DERA: variants seen among roughly 807,000 people sequenced by gnomAD.
The protein encoded by DERA is deoxyribose-phosphate aldolase, also known as 2-deoxy-D-ribose 5-phosphate aldolase.
In DERA, 15 loss-of-function variants were observed where a neutral mutation model predicts 41.1. That is an observed-to-expected ratio of 0.37 (90% CI 0.24 to 0.56). The LOEUF (loss-of-function observed/expected upper bound fraction) is 0.56, where lower values mean the gene tolerates loss of function less well. DERA is among the 20% of genes least tolerant of loss of function. The pLI is 0.81. For missense variants in DERA, 396 were observed against 403.4 expected (o/e 0.98, Z 0.16); for synonymous variants, 139 against 137.4 (o/e 1.01, Z -0.08).
Position 15,962,891 on chromosome 12 carries a change from C to A in DERA, c.452C>A (p.Ala151Asp). 1.9e-6 allele frequency: 3 copies of A among 1,593,794 alleles called. No homozygotes were observed. The highest frequency in any genetic ancestry group is 2.3e-5 in the East Asian group (1 of 44,406). ...EEIRLAVEDGATEIDVVINRS... is the reference protein window; with the variant it reads ...EEIRLAVEDGDTEIDVVINRS... The stretch of plus-strand genomic sequence containing the variant: ...ATCAGATTGGCTGTGGAAGATGGAG[C>A]TACAGAAATCGACGTGGTAATTAAC... The change falls in exon 5 of 9, where the codon GCT becomes GAT. Residue 151 changes from alanine (A) to aspartate (D), a missense_variant. Coordinates refer to ENST00000428559, the MANE Select transcript of DERA (RefSeq NM_015954.4).
intron 1 of DERA, among the ~76,000 whole-genome samples, chr12:15,937,458 T>G (rs928259251): frequency 1.3e-5 from 2 of 152,208 alleles, no homozygotes; most frequent in Non-Finnish European, 2.9e-5. Flanking sequence ...CCGCCAGTAG[T>G]ATAGTTCCAG....
At position 15,989,149 on chromosome 12, in the gene DERA, A is replaced by G. The variant is rs1463732848; in HGVS notation, c.637+6713A>G. Among the ~76,000 whole-genome samples, 2 of 152,206 alleles carry G rather than the reference A, an allele frequency of 1.3e-5. No individual in the cohort carries two copies. The highest frequency in any genetic ancestry group is 4.8e-5 in the African/African-American group (2 of 41,468). Reference sequence around the variant, plus strand: ...GTTGGATGCAGCTGCCCCTGGGAGCACAGGGCTCCTGCCCTACCAACATGG... The same window carrying G: ...GTTGGATGCAGCTGCCCCTGGGAGCGCAGGGCTCCTGCCCTACCAACATGG... On this transcript the variant is annotated intron_variant, in intron 6 of 8. Coordinates refer to ENST00000428559, the MANE Select transcript of DERA (RefSeq NM_015954.4). The surrounding 1 kb of genome is among the most constrained non-coding windows in gnomAD (Gnocchi z 5.2).
chr12:15,914,966 C>T (rs1030000846), intron 1 of DERA, among the ~76,000 whole-genome samples: 8 of 152,010 alleles, frequency 5.3e-5, no homozygotes, highest in East Asian at 1.9e-4. Flanking sequence ...TTAGTAGAGA[C>T]GGGTTTTTGC....
intron 6 of DERA, among the ~76,000 whole-genome samples, chr12:16,002,202 C>T (rs1948880507): frequency 6.9e-6 from 1 of 145,168 alleles, no homozygotes; most frequent in African/African-American, 2.5e-5. Context: ...TCTCATTGTT[C>T]AATTCCCACC....
Position 15,946,604 on chromosome 12 carries a change from A to G in DERA, c.32-10332A>G, listed in dbSNP as rs564410990. ...CTTTTTTTTTTATTGCATCTATTTG[A>G]TTCTTCTCTGTTTTCTTCTTTATTA... On this transcript the variant is annotated intron_variant, in intron 1 of 8. Coordinates refer to ENST00000428559, the MANE Select transcript of DERA (RefSeq NM_015954.4). Among the ~76,000 whole-genome samples the G allele has an allele frequency of 2.7e-5, 4 of 145,834 alleles. No individual in the cohort carries two copies. In the East Asian group the frequency reaches 8.1e-4, roughly 29 times the overall value.
chr12:15,956,484 C>T (rs527888104), intron 1 of DERA: 18 of 315,942 alleles, frequency 5.7e-5, no homozygotes, highest in East Asian at 1.6e-4. Flanking sequence ...TGCCAGTAAG[C>T]GGGTAGTGAG....
At chr12:16,029,286 A>G (rs1036355301) in intron 6 of DERA, among the ~76,000 whole-genome samples, 12 of 151,760 alleles carry the variant, frequency 7.9e-5, no homozygotes, top group Non-Finnish European at 1.3e-4. Flanking sequence ...AGCCGGGCGT[A>G]GTGGCGGGCG....
intron 6 of DERA, among the ~76,000 whole-genome samples, chr12:16,007,113 A>G (rs1232910855): frequency 6.6e-6 from 1 of 151,680 alleles, no homozygotes; most frequent in Non-Finnish European, 1.5e-5. Flanking sequence ...GCAGCCATAG[A>G]GTCATTGTAA....
chr12:15,925,309 T>C (rs1335388954), intron 1 of DERA, among the ~76,000 whole-genome samples: 1 of 152,222 alleles, frequency 6.6e-6, no homozygotes, highest in Non-Finnish European at 1.5e-5. Context: ...CCTTCTCTTA[T>C]TCCTCTTGTT....
At chr12:15,945,138 T>C (rs1305181181) in intron 1 of DERA, among the ~76,000 whole-genome samples, 7 of 152,332 alleles carry the variant, frequency 4.6e-5, no homozygotes, top group Non-Finnish European at 5.9e-5. Flanking sequence ...TGTAGCCTTG[T>C]AGTATAGTTT....
In DERA at chr12:16,036,506, C is replaced by A. The variant is rs1407605486; in HGVS notation, c.900+125C>A. 2.5e-6 allele frequency: 3 copies of A among 1,217,364 alleles called. No individual in the cohort carries two copies. The South Asian group carries it at 4.8e-5, about 19-fold the overall frequency. 75.4% of individuals were successfully genotyped at this position (1,217,364 alleles called of 1,614,324 possible). A position where few individuals can be genotyped will look rare whatever the true frequency, so the allele number is the denominator to read the frequency against. ...TGACCTCATCCTACCCAATCCTCTA[C>A]CTTTTCTTCCAAGCAAACCGCCATC... On this transcript the variant is annotated intron_variant, in intron 8 of 8. Coordinates refer to ENST00000428559, the MANE Select transcript of DERA (RefSeq NM_015954.4). The surrounding 1 kb of genome is among the most constrained non-coding windows in gnomAD (Gnocchi z 4.9).
chr12:15,986,799 A>G (rs1278551383), intron 6 of DERA, among the ~76,000 whole-genome samples: 1 of 152,214 alleles, frequency 6.6e-6, no homozygotes, highest in Non-Finnish European at 1.5e-5. Flanking sequence ...TCCTATAAAT[A>G]TGAGTTTCCA....
At chr12:15,927,748 T>C (rs1444594301) in intron 1 of DERA, among the ~76,000 whole-genome samples, 1 of 152,248 alleles carries the variant, frequency 6.6e-6, no homozygotes, top group Admixed American at 6.5e-5. Context: ...TATACTTTTG[T>C]ATGTTTTATT....
At chr12:16,016,401 C>A (rs776734911) in intron 6 of DERA, among the ~76,000 whole-genome samples, 1 of 152,126 alleles carries the variant, frequency 6.6e-6, no homozygotes, top group Non-Finnish European at 1.5e-5. Context: ...CTCAGGAGAA[C>A]TAATACAATA....
At chr12:16,007,842 GTGTTT>G (rs60755576) in intron 6 of DERA, among the ~76,000 whole-genome samples, 33,250 of 151,386 alleles carry the variant, frequency 0.22, 3,939 homozygotes, top group Admixed American at 0.33. Flanking sequence ...TTTTTGTTTT[GTGTTT>G]TGTTTTGTTT....
At chr12:16,029,127 A>G (rs962140637) in intron 6 of DERA, among the ~76,000 whole-genome samples, 8 of 152,222 alleles carry the variant, frequency 5.3e-5, no homozygotes, top group Non-Finnish European at 1.0e-4. Context: ...TCTAAAACTA[A>G]AAGATTATTT....
Position 16,010,484 on chromosome 12 carries a change from C to G in DERA, c.638-22058C>G, listed in dbSNP as rs1001052806. ...GGTTTTCCGAGTTCTGCTGCTTTCC[C>G]CTTTGCCAGCATATACTGCTTTTGT... On this transcript the variant is annotated intron_variant, in intron 6 of 8. Coordinates refer to ENST00000428559, the MANE Select transcript of DERA (RefSeq NM_015954.4). This position sits in a 1 kb window ranked among gnomAD's most constrained non-coding sequence, Gnocchi z 5.5. Among the ~76,000 whole-genome samples, 3 of 151,620 alleles carry G rather than the reference C, an allele frequency of 2.0e-5. No homozygotes were observed. The highest frequency in any genetic ancestry group is 7.3e-5 in the African/African-American group (3 of 41,262).
chr12:15,914,393 T>TAAAAAAAA (rs1185673228), intron 1 of DERA, among the ~76,000 whole-genome samples: 5 of 55,012 alleles, frequency 9.1e-5, no homozygotes, highest in Admixed American at 2.1e-4. Flanking sequence ...TCAAAAAAGA[T>TAAAAAAAA]AAAAAAAAAA....
At chr12:16,007,592 G>C (rs937003822) in intron 6 of DERA, among the ~76,000 whole-genome samples, 2 of 152,202 alleles carry the variant, frequency 1.3e-5, no homozygotes, top group Admixed American at 1.3e-4. Flanking sequence ...ATAGTAGATT[G>C]TGCTAGCTGT....
Sources: gnomAD v4.1 joint callset for allele counts (sites outside exome capture counted in the v4.1 genomes callset) on GRCh38, gnomAD v4.1.1 for gene constraint, Gnocchi (gnomAD v3.1) non-coding constraint, MANE v1.5 for transcripts, NCBI Gene and HGNC (gene_info 2026-07-23, HGNC 2026-07-21) for gene names.